The following FLT3 variants were observed in gnomAD, a reference collection of about 807,000 sequenced individuals.
The protein encoded by FLT3 is receptor-type tyrosine-protein kinase FLT3.
FLT3 carries 46 observed loss-of-function variants against 126.6 expected under a neutral mutation model. That is an observed-to-expected ratio of 0.36 (90% CI 0.29 to 0.46). FLT3 has a LOEUF of 0.46. Among genes scored for constraint, FLT3 ranks in the 20% least tolerant of loss-of-function variants. FLT3 has a pLI of 1.00. For missense variants in FLT3, 1,069 were observed against 1,190.3 expected (o/e 0.90, Z 1.50); for synonymous variants, 404 against 434.4 (o/e 0.93, Z 0.87).
intron 3 of FLT3, among the ~76,000 whole-genome samples, chr13:28,060,240 C>T (rs867055355): frequency 8.8e-6 from 1 of 113,068 alleles, no homozygotes; most frequent in Admixed American, 9.7e-5. Flanking sequence ...ACTAAAAATA[C>T]AAAAAAAAAA....
chr13:28,050,901 T>C (rs1006596704), intron 5 of FLT3, among the ~76,000 whole-genome samples: 2 of 152,246 alleles, frequency 1.3e-5, no homozygotes, highest in African/African-American at 2.4e-5. Context: ...AATTTTTACT[T>C]TGTAAGAACT....
chr13:28,012,796 G>A (rs1871510741), intron 23 of FLT3, among the ~76,000 whole-genome samples: 1 of 152,012 alleles, frequency 6.6e-6, no homozygotes, highest in Non-Finnish European at 1.5e-5. Flanking sequence ...AAATAGCTGG[G>A]TCCGGTGGTG....
intron 19 of FLT3, 84 bp downstream of exon 19, chr13:28,023,266 A>C: frequency 7.1e-7 from 1 of 1,407,348 alleles, no homozygotes; most frequent in East Asian, 2.3e-5. Context: ...TAAGGGATAC[A>C]AGTTAAAATA....
intron 8 of FLT3, 74 bp from the exon 9 acceptor site, chr13:28,048,517 A>T (rs994799602): frequency 9.7e-7 from 1 of 1,026,244 alleles, no homozygotes; most frequent in South Asian, 1.5e-5. Context: ...GATAAAATAA[A>T]CTTGTATTCA....
At chr13:28,090,702 C>G (rs1056998092) in intron 1 of FLT3, among the ~76,000 whole-genome samples, 1 of 152,010 alleles carries the variant, frequency 6.6e-6, no homozygotes, top group East Asian at 1.9e-4. Flanking sequence ...CACTGAAGCC[C>G]GCAAAGTGAA....
chr13:28,008,759 G>A (rs918059582), intron 23 of FLT3, among the ~76,000 whole-genome samples: 7 of 152,116 alleles, frequency 4.6e-5, no homozygotes, highest in Admixed American at 6.6e-5. Context: ...GATTACAGGC[G>A]TGAGCTACCA....
At chr13:28,035,733 G>A in intron 11 of FLT3, 60 bp from the exon 12 acceptor site, 7 of 1,522,006 alleles carry the variant, frequency 4.6e-6, no homozygotes, top group Non-Finnish European at 6.2e-6. Context: ...TGGAAGTTAG[G>A]ATTTCTGCAG....
At chr13:28,091,375 C>T (rs1038001074) in intron 1 of FLT3, among the ~76,000 whole-genome samples, 3 of 149,426 alleles carry the variant, frequency 2.0e-5, no homozygotes, top group Non-Finnish European at 4.5e-5. Context: ...GCGCCCGCCA[C>T]CACGCCCGGC....
intron 1 of FLT3, among the ~76,000 whole-genome samples, chr13:28,098,186 G>A (rs1879587304): frequency 6.6e-6 from 1 of 151,820 alleles, no homozygotes; most frequent in African/African-American, 2.4e-5. Flanking sequence ...GCGGTGGCAC[G>A]CACCTGTAAT....
intron 17 of FLT3, among the ~76,000 whole-genome samples, chr13:28,026,726 CTT>C (rs1872838098): frequency 6.6e-6 from 1 of 152,228 alleles, no homozygotes; most frequent in East Asian, 1.9e-4. Flanking sequence ...GAGCTGCTCT[CTT>C]TGCATATGTT....
intron 15 of FLT3, among the ~76,000 whole-genome samples, chr13:28,031,643 A>T (rs1251497595): frequency 1.3e-5 from 2 of 152,140 alleles, no homozygotes; most frequent in East Asian, 3.8e-4. Flanking sequence ...GTGGTGTTTA[A>T]GCTGAGATCT....
intron 6 of FLT3, 75 bp downstream of exon 6, chr13:28,050,020 G>A (rs1257836706): frequency 2.7e-6 from 4 of 1,477,944 alleles, no homozygotes; most frequent in Non-Finnish European, 3.7e-6. Context: ...GATCACCTAC[G>A]CAGTTACTGT....
intron 18 of FLT3, among the ~76,000 whole-genome samples, chr13:28,024,021 A>G (rs1408482726): frequency 1.3e-5 from 2 of 152,136 alleles, no homozygotes; most frequent in Non-Finnish European, 2.9e-5. Context: ...TGAGCCTCCC[A>G]AAGTGGTGGG....
intron 1 of FLT3, among the ~76,000 whole-genome samples, chr13:28,095,207 A>G (rs1259081510): frequency 3.3e-5 from 5 of 152,176 alleles, no homozygotes; most frequent in Non-Finnish European, 7.4e-5. Flanking sequence ...AGAATTTGCT[A>G]TTTCAGAGGG....
chr13:28,072,482 T>C (rs1877605885), intron 1 of FLT3, among the ~76,000 whole-genome samples: 1 of 152,080 alleles, frequency 6.6e-6, no homozygotes. Flanking sequence ...CTGCAACCTC[T>C]GTCTCCGGGG....
At chr13:28,062,971 G>A (rs557728268) in intron 2 of FLT3, among the ~76,000 whole-genome samples, 1 of 152,154 alleles carries the variant, frequency 6.6e-6, no homozygotes, top group East Asian at 1.9e-4. Flanking sequence ...GTCTGTGGTA[G>A]TTTGTTGTAT....
intron 9 of FLT3, among the ~76,000 whole-genome samples, chr13:28,043,159 AG>A (rs1324263662): frequency 2.0e-5 from 3 of 150,726 alleles, no homozygotes; most frequent in African/African-American, 4.9e-5. Flanking sequence ...GTTTCAGAAG[AG>A]GTTACTAAGT....
At position 28,048,266 on chromosome 13, in the gene FLT3, T is replaced by C. The variant is rs974741389; in HGVS notation, c.1205+9A>G. ...AAAAATGGTATCTTAGAGTCCTTTG[T>C]GGTCTCACCTGTATCCGTTATCAAG... On this transcript the variant is annotated intron_variant, in intron 9 of 23. Coordinates refer to ENST00000241453, the MANE Select transcript of FLT3 (RefSeq NM_004119.3). 4 of 1,606,994 alleles carry C rather than the reference T, an allele frequency of 2.5e-6. No individual in the cohort carries two copies. In the African/African-American group the frequency reaches 4.0e-5, roughly 16 times the overall value.
At chr13:28,017,949 CCA>C (rs777429979) in intron 20 of FLT3, among the ~76,000 whole-genome samples, 1 of 152,168 alleles carries the variant, frequency 6.6e-6, no homozygotes, top group Non-Finnish European at 1.5e-5. Flanking sequence ...CAGGCATGAG[CCA>C]CTGCACCCAG....
Sources: gnomAD v4.1 joint callset for allele counts (sites outside exome capture counted in the v4.1 genomes callset) on GRCh38, gnomAD v4.1.1 for gene constraint, MANE v1.5 for transcripts, NCBI Gene and HGNC (gene_info 2026-07-23, HGNC 2026-07-21) for gene names.